CD36: variants seen among roughly 807,000 people sequenced by gnomAD.
The protein encoded by CD36 is CD36 molecule (CD36 blood group), also known as platelet glycoprotein 4.
Under a neutral mutation model 55.2 loss-of-function variants are expected in CD36, and 119 were observed. That is an observed-to-expected ratio of 2.15 (90% confidence interval 1.86 to 2.51). CD36 has a LOEUF of 2.51. CD36 is among the 30% of genes most tolerant of loss of function. The probability of loss-of-function intolerance (pLI) is 0.00; values close to 1 mark genes in which losing one functional copy is unlikely to be tolerated. For synonymous variants in CD36, 186 were observed against 193.6 expected (o/e 0.96, Z 0.33); for missense variants, 819 against 555.5 (o/e 1.47, Z -4.77).
At chr7:80,616,369 C>T (rs1415735578) in intron 1 of CD36, among the ~76,000 whole-genome samples, 1 of 151,652 alleles carries the variant, frequency 6.6e-6, no homozygotes, top group Admixed American at 6.6e-5. Context: ...TGCTTTTACA[C>T]CATTGTGATG....
intron 1 of CD36, among the ~76,000 whole-genome samples, chr7:80,630,426 A>T (rs1402508388): frequency 6.6e-6 from 1 of 152,092 alleles, no homozygotes; most frequent in East Asian, 1.9e-4. Context: ...GAAAATTAAG[A>T]TAAAAATGAG....
At chr7:80,662,585 CTTTTTT>C (rs34614420) in intron 5 of CD36, 7 of 197,314 alleles carry the variant, frequency 3.5e-5, no homozygotes, top group Non-Finnish European at 7.3e-5. Flanking sequence ...AGACTTATGG[CTTTTTT>C]TTTTTTTAAG....
chr7:80,618,847 G>A (rs908532599), intron 1 of CD36, among the ~76,000 whole-genome samples: 1 of 152,180 alleles, frequency 6.6e-6, no homozygotes, highest in Non-Finnish European at 1.5e-5. Flanking sequence ...AAGTGAAGAA[G>A]CTGCAGCAAG....
intron 1 of CD36, among the ~76,000 whole-genome samples, chr7:80,609,983 G>A (rs1792786281): frequency 6.6e-6 from 1 of 152,154 alleles, no homozygotes; most frequent in Non-Finnish European, 1.5e-5. Flanking sequence ...GACATGCGCT[G>A]TGAGGGGTGA....
At position 80,656,661 on chromosome 7, in the gene CD36, G is replaced by C. The variant is rs1373811871; in HGVS notation, c.242G>C (p.Ser81Thr). The change falls in exon 4 of 15, where the codon AGC becomes ACC. Residue 81 changes from serine to threonine, a missense_variant. Coordinates refer to ENST00000447544, the MANE Select transcript of CD36 (RefSeq NM_001001548.3). ...QNPQEVMMNS[S>T]NIQVKQRGPY... is the part of the protein sequence containing the mutation. Reference sequence around the variant, plus strand: ...CCACAGGAAGTGATGATGAACAGCAGCAACATTCAAGTTAAGCAAAGAGGT... The same window carrying C: ...CCACAGGAAGTGATGATGAACAGCACCAACATTCAAGTTAAGCAAAGAGGT... 5 of 1,613,750 alleles carry C rather than the reference G, an allele frequency of 3.1e-6. No homozygotes were observed. The highest frequency in any genetic ancestry group is 4.2e-6 in the Non-Finnish European group (5 of 1,179,786).
intron 1 of CD36, among the ~76,000 whole-genome samples, chr7:80,621,339 T>A (rs1793460274): frequency 6.6e-6 from 1 of 152,242 alleles, no homozygotes; most frequent in Non-Finnish European, 1.5e-5. Flanking sequence ...CTGCAGAGGA[T>A]GCCTATATTC....
chr7:80,648,460 A>G (rs3211814), intron 3 of CD36, among the ~76,000 whole-genome samples: 2,011 of 152,254 alleles, frequency 0.013, 46 homozygotes, highest in African/African-American at 0.046. Flanking sequence ...GTCATGCAAC[A>G]AAACTGGTAC....
intron 7 of CD36, chr7:80,666,240 G>T: frequency 1.2e-5 from 6 of 486,742 alleles, no homozygotes; most frequent in South Asian, 3.3e-5. Context: ...TTATGATCTG[G>T]CTACCTAATG....
chr7:80,660,449 A>G (rs3173799), intron 4 of CD36, among the ~76,000 whole-genome samples: 19,207 of 152,150 alleles, frequency 0.13, 1,721 homozygotes, highest in East Asian at 0.34. Flanking sequence ...TTCTAATATA[A>G]GAAAATGTGC....
intron 3 of CD36, among the ~76,000 whole-genome samples, chr7:80,649,350 A>G (rs547784561): frequency 5.3e-5 from 8 of 152,236 alleles, no homozygotes; most frequent in Non-Finnish European, 1.0e-4. Context: ...TGAGGATACC[A>G]GAGATAGGAA....
chr7:80,658,959 A>C (rs916267372), intron 4 of CD36, among the ~76,000 whole-genome samples: 1 of 152,186 alleles, frequency 6.6e-6, no homozygotes, highest in Non-Finnish European at 1.5e-5. Flanking sequence ...TGGTTTGCTT[A>C]GAGAGGCAAT....
intron 1 of CD36, among the ~76,000 whole-genome samples, chr7:80,603,434 A>G (rs1044293590): frequency 6.6e-6 from 1 of 152,080 alleles, no homozygotes; most frequent in African/African-American, 2.4e-5. Context: ...ACTTGTTGAC[A>G]CTCCTTGAGA....
rs1408232672 is a variant in CD36 at position 80,638,687 on chromosome 7, T to C, written c.-243T>C. ...TCCTGCAGAATACCATTTGATCCTATTAAGAATTGTCCAAATGTTGGAGCA... is the reference window on the plus strand; with the variant it reads ...TCCTGCAGAATACCATTTGATCCTACTAAGAATTGTCCAAATGTTGGAGCA... On this transcript the variant is annotated 5_prime_UTR_variant, in exon 1 of 15. Transcript: ENST00000447544. 6.6e-6 allele frequency: 1 copy of C among 151,856 alleles called. No homozygotes were observed. Among genetic ancestry groups the C allele is most frequent in the Non-Finnish European group, 1.5e-5 (1 of 67,892 alleles). The allele number at this position is 151,856 out of a possible 1,614,324, so 9.4% of individuals were successfully genotyped here.
At chr7:80,645,961 C>G (rs908907892) in intron 1 of CD36, 127 bp from the exon 2 acceptor site, 3 of 152,188 alleles carry the variant, frequency 2.0e-5, no homozygotes, top group Non-Finnish European at 4.4e-5. Flanking sequence ...CAGGCCTGAA[C>G]TCAGTATTCA....
At chr7:80,664,643 G>A in intron 7 of CD36, 146 bp downstream of exon 7, 1 of 661,806 alleles carries the variant, frequency 1.5e-6, no homozygotes, top group Non-Finnish European at 2.8e-6. Flanking sequence ...TGTTCTGCTA[G>A]GTATTAACTC....
chr7:80,611,640 T>C (rs1225004103), intron 1 of CD36, among the ~76,000 whole-genome samples: 1 of 152,132 alleles, frequency 6.6e-6, no homozygotes, highest in Non-Finnish European at 1.5e-5. Flanking sequence ...TAAGAAGATG[T>C]TAGGAAAAAT....
intron 1 of CD36, among the ~76,000 whole-genome samples, chr7:80,625,646 A>G (rs868175235): frequency 1.3e-5 from 2 of 152,166 alleles, no homozygotes; most frequent in Admixed American, 1.3e-4. Flanking sequence ...GACCTCAAAG[A>G]ATTACTGATT....
At chr7:80,665,169 T>C (rs1176773622) in intron 7 of CD36, among the ~76,000 whole-genome samples, 3 of 151,602 alleles carry the variant, frequency 2.0e-5, no homozygotes, top group African/African-American at 7.3e-5. Context: ...AGTGGTAAAA[T>C]AACAAATCAG....
intron 1 of CD36, among the ~76,000 whole-genome samples, chr7:80,621,495 G>A (rs13228738): frequency 0.31 from 46,490 of 152,048 alleles, 7,773 homozygotes; most frequent in South Asian, 0.45. Context: ...GTGGTAATAG[G>A]TGAATAAATA....
Sources: allele counts gnomAD v4.1 joint callset (sites outside exome capture counted in the v4.1 genomes callset), GRCh38; gene constraint gnomAD v4.1.1; transcripts MANE v1.5; gene names NCBI Gene and HGNC (gene_info 2026-07-23, HGNC 2026-07-21).